The following ATP2B2 variants were observed in gnomAD, a reference collection of about 807,000 sequenced individuals.
ATP2B2 encodes the protein plasma membrane calcium-transporting ATPase 2.
ATP2B2 carries 15 observed loss-of-function variants against 120.0 expected under a neutral mutation model. The observed-to-expected ratio is 0.12, with a 90% CI of 0.08 to 0.19. The LOEUF (loss-of-function observed/expected upper bound fraction) is 0.19, where lower values mean the gene tolerates loss of function less well. ATP2B2 is among the 10% of genes least tolerant of loss of function. ATP2B2 has a pLI of 1.00. For missense variants in ATP2B2, 1,045 were observed against 1,719.8 expected (o/e 0.61, Z 6.94); for synonymous variants, 694 against 700.3 (o/e 0.99, Z 0.14).
intron 2 of ATP2B2, among the ~76,000 whole-genome samples, chr3:10,616,170 C>T (rs977657841): frequency 5.5e-4 from 84 of 152,198 alleles, no homozygotes; most frequent in African/African-American, 2.0e-3. Context: ...CCCCCAAATT[C>T]ATATGGTGAA....
Position 10,635,425 on chromosome 3 carries a change from G to A in ATP2B2, c.-459-15464C>T, listed in dbSNP as rs11716270. ...TTCCCTCCTCCAGTGACAGACTGAG[G>A]ACACCAGGCAACATGACTTTCCAGC... On this transcript the variant is annotated intron_variant, in intron 1 of 21. Coordinates refer to the ATP2B2 transcript ENST00000646379. This position sits in a 1 kb window ranked among gnomAD's most constrained non-coding sequence, Gnocchi z 4.3. Among the ~76,000 whole-genome samples the A allele has an allele frequency of 1.3e-5, 2 of 152,050 alleles. No homozygotes were observed. The highest frequency in any genetic ancestry group is 1.5e-5 in the Non-Finnish European group (1 of 68,026).
chr3:10,572,130 T>C (rs572558203), intron 2 of ATP2B2, among the ~76,000 whole-genome samples: 5 of 152,162 alleles, frequency 3.3e-5, no homozygotes, highest in African/African-American at 1.2e-4. Context: ...TTTAAACTTG[T>C]TGGTTGCAGG....
At chr3:10,686,836 G>C (rs1209103991) in intron 1 of ATP2B2, among the ~76,000 whole-genome samples, 4 of 152,214 alleles carry the variant, frequency 2.6e-5, no homozygotes, top group Non-Finnish European at 1.5e-5. Flanking sequence ...GATGAAGTGA[G>C]CCTTGATTCC....
intron 2 of ATP2B2, among the ~76,000 whole-genome samples, chr3:10,606,977 A>G (rs1472589871): frequency 2.1e-5 from 1 of 48,220 alleles, no homozygotes; most frequent in Non-Finnish European, 4.0e-5. Context: ...AGAGAGAGAG[A>G]GAAAGAAAGA....
At chr3:10,519,699 A>T (rs549876170) in intron 3 of ATP2B2, among the ~76,000 whole-genome samples, 29 of 152,358 alleles carry the variant, frequency 1.9e-4, no homozygotes, top group Middle Eastern at 3.4e-3. Flanking sequence ...TATAGTTCCA[A>T]AAGAAGATTC....
chr3:10,503,607 G>A (rs2066481946), intron 1 of ATP2B2, among the ~76,000 whole-genome samples: 1 of 152,258 alleles, frequency 6.6e-6, no homozygotes, highest in Non-Finnish European at 1.5e-5. Context: ...GTGTGTGCAC[G>A]CAGCATCCGC....
At chr3:10,603,425 T>C (rs1263467291) in intron 2 of ATP2B2, among the ~76,000 whole-genome samples, 8 of 152,178 alleles carry the variant, frequency 5.3e-5, no homozygotes, top group African/African-American at 1.9e-4. Flanking sequence ...GCTTTAAAAA[T>C]AGAGAAGTAG....
At chr3:10,629,152 G>A (rs948690915) in intron 1 of ATP2B2, among the ~76,000 whole-genome samples, 4 of 152,136 alleles carry the variant, frequency 2.6e-5, no homozygotes, top group African/African-American at 9.7e-5. Context: ...CCAACAGAAA[G>A]CACACAGATG....
intron 2 of ATP2B2, among the ~76,000 whole-genome samples, chr3:10,424,609 CA>C (rs2063089913): frequency 6.6e-6 from 1 of 152,168 alleles, no homozygotes; most frequent in Non-Finnish European, 1.5e-5. Context: ...ACAAGTCCTT[CA>C]AAAGCTACAT....
Position 10,698,901 on chromosome 3 carries a change from G to A in ATP2B2, c.-460+9014C>T, listed in dbSNP as rs1428493772. Reference sequence around the variant, plus strand: ...CTCCAAAGGGACTGTGCACATAGAAGCACTTACAATTGCCTGACTCTACAT... The same window carrying A: ...CTCCAAAGGGACTGTGCACATAGAAACACTTACAATTGCCTGACTCTACAT... On this transcript the variant is annotated intron_variant, in intron 1 of 21. Coordinates refer to the ATP2B2 transcript ENST00000646379. Among the ~76,000 whole-genome samples, 7 of 152,230 alleles carry A rather than the reference G, an allele frequency of 4.6e-5. 1 individual carries two copies. The highest frequency in any genetic ancestry group is 1.4e-4 in the African/African-American group (6 of 41,458).
At chr3:10,385,735 C>T (rs1200543054) in intron 7 of ATP2B2, among the ~76,000 whole-genome samples, 3 of 152,160 alleles carry the variant, frequency 2.0e-5, no homozygotes, top group African/African-American at 7.2e-5. Context: ...GCAGCGTGGG[C>T]ACGGACCACT....
At chr3:10,552,236 C>T (rs1040579168) in intron 2 of ATP2B2, among the ~76,000 whole-genome samples, 1 of 152,246 alleles carries the variant, frequency 6.6e-6, no homozygotes, top group Non-Finnish European at 1.5e-5. Flanking sequence ...TGGCATCTGA[C>T]AGATTTGCCC....
intron 2 of ATP2B2, among the ~76,000 whole-genome samples, chr3:10,540,840 C>T (rs997968449): frequency 2.0e-5 from 3 of 150,738 alleles, no homozygotes; most frequent in Non-Finnish European, 4.4e-5. Context: ...TCACGTTGTG[C>T]ACATGTACCC....
chr3:10,668,038 G>C (rs1453013326), intron 1 of ATP2B2, among the ~76,000 whole-genome samples: 3 of 152,220 alleles, frequency 2.0e-5, no homozygotes, highest in Non-Finnish European at 2.9e-5. Context: ...GCCACAGGGT[G>C]GCTGCTGGGG....
chr3:10,573,908 A>C (rs2068185783), intron 2 of ATP2B2, among the ~76,000 whole-genome samples: 1 of 152,136 alleles, frequency 6.6e-6, no homozygotes, highest in Admixed American at 6.5e-5. Context: ...CTGCTTGCTC[A>C]AACCCAGATC....
At chr3:10,704,650 T>C (rs1473523802) in intron 1 of ATP2B2, among the ~76,000 whole-genome samples, 1 of 152,212 alleles carries the variant, frequency 6.6e-6, no homozygotes, top group African/African-American at 2.4e-5. Context: ...AAGGCCCCAA[T>C]AGTTAGCTCC....
intron 2 of ATP2B2, among the ~76,000 whole-genome samples, chr3:10,421,423 T>C (rs1022754143): frequency 6.6e-6 from 1 of 152,188 alleles, no homozygotes; most frequent in Non-Finnish European, 1.5e-5. Context: ...GAGGAGGTCA[T>C]GAGTGCTGTG....
At chr3:10,620,351 G>A (rs955448060) in intron 1 of ATP2B2, among the ~76,000 whole-genome samples, 4 of 152,226 alleles carry the variant, frequency 2.6e-5, no homozygotes, top group African/African-American at 9.6e-5. Flanking sequence ...AATCAAGGGT[G>A]AGAAGGTAAA....
At chr3:10,581,369 T>C (rs6792906) in intron 2 of ATP2B2, among the ~76,000 whole-genome samples, 225 of 152,196 alleles carry the variant, frequency 1.5e-3, no homozygotes, top group African/African-American at 5.1e-3. Flanking sequence ...TTTAGCTGGA[T>C]GGTGGGGATG....
Sources: allele counts gnomAD v4.1 joint callset (sites outside exome capture counted in the v4.1 genomes callset), GRCh38; gene constraint gnomAD v4.1.1; non-coding constraint Gnocchi (gnomAD v3.1); transcripts MANE v1.5; gene names NCBI Gene and HGNC (gene_info 2026-07-23, HGNC 2026-07-21).